The following MTARC2 variants were observed in gnomAD, a reference collection of about 807,000 sequenced individuals.
The protein encoded by MTARC2 is mitochondrial amidoxime reducing component 2, also known as MOCO sulphurase C-terminal domain containing 2.
A neutral mutation model predicts 35.6 loss-of-function variants in MTARC2; 27 were observed. The observed-to-expected ratio is 0.76, with a 90% CI of 0.56 to 1.04. The LOEUF (loss-of-function observed/expected upper bound fraction) is 1.04, where lower values mean the gene tolerates loss of function less well. MTARC2 is among the 50% of genes least tolerant of loss of function. The pLI is 0.00. For synonymous variants in MTARC2, 158 were observed against 167.1 expected (o/e 0.95, Z 0.42); for missense variants, 412 against 432.5 (o/e 0.95, Z 0.42).
intron 7 of MTARC2, among the ~76,000 whole-genome samples, chr1:220,782,397 GA>G (rs975160239): frequency 2.0e-5 from 3 of 151,830 alleles, no homozygotes; most frequent in Non-Finnish European, 2.9e-5. Context: ...ATTGAAGTTT[GA>G]AAAAAAATCA....
At chr1:220,772,209 G>A (rs1671762876) in intron 4 of MTARC2, among the ~76,000 whole-genome samples, 1 of 152,172 alleles carries the variant, frequency 6.6e-6, no homozygotes, top group Non-Finnish European at 1.5e-5. Context: ...GAGCAGCTTT[G>A]TAAAATGGTG....
At chr1:220,766,472 G>A (rs1018537705) in intron 4 of MTARC2, among the ~76,000 whole-genome samples, 6 of 152,132 alleles carry the variant, frequency 3.9e-5, no homozygotes, top group African/African-American at 1.4e-4. Flanking sequence ...AGATTGGAAT[G>A]GAAATTAGTT....
intron 2 of MTARC2, among the ~76,000 whole-genome samples, chr1:220,759,562 C>G (rs1415077386): frequency 6.6e-6 from 1 of 152,198 alleles, no homozygotes; most frequent in East Asian, 1.9e-4. Context: ...TTCAAAGTGC[C>G]ACCCATAAGC....
intron 4 of MTARC2, among the ~76,000 whole-genome samples, chr1:220,773,276 G>T (rs192199104): frequency 6.6e-6 from 1 of 152,142 alleles, no homozygotes; most frequent in Non-Finnish European, 1.5e-5. Context: ...TGAAAGATGG[G>T]GTTTGGAGAG....
chr1:220,759,559 T>C (rs928955307), intron 2 of MTARC2, among the ~76,000 whole-genome samples: 9 of 152,066 alleles, frequency 5.9e-5, no homozygotes, highest in African/African-American at 2.2e-4. Flanking sequence ...CTTTTCAAAG[T>C]GCCACCCATA....
At chr1:220,762,831 TG>T in intron 3 of MTARC2, 78 bp from the exon 4 acceptor site, 1 of 1,513,524 alleles carries the variant, frequency 6.6e-7, no homozygotes, top group Non-Finnish European at 9.1e-7. Flanking sequence ...GTTTTGCTTC[TG>T]GACATTACTT....
At chr1:220,754,467 G>C (rs182019726) in intron 1 of MTARC2, 4 of 455,840 alleles carry the variant, frequency 8.8e-6, no homozygotes, top group African/African-American at 2.0e-5. Flanking sequence ...GCCTGGTTCC[G>C]CTTGGAGGCA....
intron 4 of MTARC2, among the ~76,000 whole-genome samples, chr1:220,774,503 C>A (rs926194984): frequency 6.6e-6 from 1 of 152,130 alleles, no homozygotes; most frequent in African/African-American, 2.4e-5. Flanking sequence ...ATTGTGCGTA[C>A]AACACAATAT....
At chr1:220,769,368 G>A (rs1055270920) in intron 4 of MTARC2, among the ~76,000 whole-genome samples, 1 of 152,208 alleles carries the variant, frequency 6.6e-6, no homozygotes, top group African/African-American at 2.4e-5. Flanking sequence ...ATTAACAGGA[G>A]ACCTGCAGTG....
intron 2 of MTARC2, among the ~76,000 whole-genome samples, chr1:220,761,273 C>A (rs1376545617): frequency 6.6e-6 from 1 of 152,220 alleles, no homozygotes; most frequent in Non-Finnish European, 1.5e-5. Context: ...CTGTTGGATT[C>A]TAAGCTCAGG....
chr1:220,762,297 G>T (rs1671458268), intron 3 of MTARC2, among the ~76,000 whole-genome samples: 1 of 152,182 alleles, frequency 6.6e-6, no homozygotes, highest in South Asian at 2.1e-4. Context: ...GCACCTGGCA[G>T]CTATTTTTCA....
chr1:220,751,949 T>G (rs1432919774), intron 1 of MTARC2, among the ~76,000 whole-genome samples: 2 of 152,214 alleles, frequency 1.3e-5, no homozygotes, highest in Non-Finnish European at 2.9e-5. Context: ...TTGCCCAGGT[T>G]GACAGGGAAA....
chr1:220,761,477 G>C (rs1671433875), intron 2 of MTARC2, among the ~76,000 whole-genome samples, 181 bp from the exon 3 acceptor site: 1 of 152,176 alleles, frequency 6.6e-6, no homozygotes, highest in South Asian at 2.1e-4. Flanking sequence ...GGTTTGGGTA[G>C]CTCTTCCCCA....
intron 4 of MTARC2, among the ~76,000 whole-genome samples, chr1:220,767,645 G>C (rs1019589854): frequency 2.0e-5 from 3 of 152,172 alleles, no homozygotes; most frequent in African/African-American, 7.2e-5. Flanking sequence ...GTCCTGATGA[G>C]ATAAACTTGA....
At chr1:220,769,461 C>T (rs548536041) in intron 4 of MTARC2, among the ~76,000 whole-genome samples, 81 of 152,324 alleles carry the variant, frequency 5.3e-4, no homozygotes, top group Non-Finnish European at 9.8e-4. Flanking sequence ...GCCTCCATCT[C>T]AGGTGCAGCT....
At chr1:220,762,185 G>A (rs192445813) in intron 3 of MTARC2, among the ~76,000 whole-genome samples, 18 of 152,272 alleles carry the variant, frequency 1.2e-4, no homozygotes, top group Middle Eastern at 3.4e-3. Context: ...TTATAGAAGC[G>A]GACTTTGTTC....
Position 220,773,962 on chromosome 1 carries a change from TAA to T in MTARC2, c.751-6054_751-6053del, listed in dbSNP as rs530993532. Among the ~76,000 whole-genome samples the T allele has an allele frequency of 6.6e-4, 97 of 147,864 alleles. 1 individual carries two copies. The South Asian group carries it at 0.015, about 22-fold the overall frequency. ...ACATGGAATCATCCTCTATTATATA[TAA>T]ACACACACACACACACACACACACA... On this transcript the variant is annotated intron_variant, in intron 4 of 7. Transcript: ENST00000366913.
chr1:220,748,735 C>A lies in MTARC2; in HGVS notation c.204C>A (p.Cys68Ter). 6.2e-7 allele frequency: 1 copy of A among 1,600,212 alleles called. No individual in the cohort carries two copies. ...AKLWIYPVKSCKGVPVSEAEC... is the reference protein window; with the variant it reads ...AKLWIYPVKS The stretch of plus-strand genomic sequence containing the variant: ...TCTGGATCTACCCGGTGAAATCCTG[C>A]AAAGGGGTGCCGGTGAGCGAGGCTG... The change falls in exon 1 of 8, where the codon TGC becomes TGA. Residue 68 changes from cysteine (C) to a stop codon, truncating the protein, a stop_gained. Coordinates refer to ENST00000366913, the MANE Select transcript of MTARC2 (RefSeq NM_017898.5). LOFTEE classifies it high-confidence loss of function.
At chr1:220,779,954 G>T in intron 4 of MTARC2, 64 bp from the exon 5 acceptor site, 5 of 1,276,848 alleles carry the variant, frequency 3.9e-6, no homozygotes, top group Non-Finnish European at 5.3e-6. Context: ...ATGAGCCAAA[G>T]AATAAACAGA....
Sources: gnomAD v4.1 joint callset for allele counts (sites outside exome capture counted in the v4.1 genomes callset) on GRCh38, gnomAD v4.1.1 for gene constraint, MANE v1.5 for transcripts, NCBI Gene and HGNC (gene_info 2026-07-23, HGNC 2026-07-21) for gene names.